The following PRKCH variants were observed in gnomAD, a reference collection of about 807,000 sequenced individuals.
PRKCH encodes protein kinase C eta type.
Under a neutral mutation model 82.5 loss-of-function variants are expected in PRKCH, and 28 were observed. The ratio of observed to expected loss-of-function variants is 0.34; its 90% CI spans 0.25 to 0.47. The LOEUF is 0.47. PRKCH is among the 20% of genes least tolerant of loss of function. The probability of loss-of-function intolerance (pLI) is 1.00; values close to 1 mark genes in which losing one functional copy is unlikely to be tolerated. For synonymous variants in PRKCH, 322 were observed against 327.4 expected (o/e 0.98, Z 0.18); for missense variants, 705 against 881.8 (o/e 0.80, Z 2.54).
intron 1 of PRKCH, among the ~76,000 whole-genome samples, chr14:61,238,194 A>G (rs955409501): frequency 2.6e-5 from 4 of 152,236 alleles, no homozygotes; most frequent in African/African-American, 9.6e-5. Context: ...TATAGCCTCC[A>G]TTAGGACTTT....
At chr14:61,467,477 C>T (rs1286900743) in intron 9 of PRKCH, among the ~76,000 whole-genome samples, 2 of 152,194 alleles carry the variant, frequency 1.3e-5, no homozygotes, top group African/African-American at 4.8e-5. Flanking sequence ...CTGCCAGCCG[C>T]TGGATGTGGG....
intron 1 of PRKCH, among the ~76,000 whole-genome samples, chr14:61,195,593 G>GTTCCTAA (rs2044435033): frequency 6.6e-6 from 1 of 152,178 alleles, no homozygotes; most frequent in African/African-American, 2.4e-5. Flanking sequence ...GATATTTTAG[G>GTTCCTAA]AACCAAAGGA....
chr14:61,307,747 G>T (rs1284781301), intron 1 of PRKCH, among the ~76,000 whole-genome samples: 1 of 152,134 alleles, frequency 6.6e-6, no homozygotes, highest in Non-Finnish European at 1.5e-5. Context: ...TCAAAGTAAT[G>T]ATGGCCATAT....
At chr14:61,207,106 C>CAAAAAAAAAAA (rs71114196) in intron 1 of PRKCH, among the ~76,000 whole-genome samples, 26 of 49,160 alleles carry the variant, frequency 5.3e-4, no homozygotes, top group East Asian at 5.2e-3. Flanking sequence ...AACTCCATCT[C>CAAAAAAAAAAA]AAAAAAAAAA....
intron 2 of PRKCH, 27 bp from the exon 3 acceptor site, chr14:61,443,084 C>T: frequency 6.2e-7 from 1 of 1,603,228 alleles, no homozygotes; most frequent in Non-Finnish European, 8.5e-7. Flanking sequence ...ACATCTTATT[C>T]TTTTTTTCCT....
chr14:61,383,036 A>G (rs1057213422), intron 1 of PRKCH, among the ~76,000 whole-genome samples: 7 of 152,138 alleles, frequency 4.6e-5, no homozygotes, highest in Non-Finnish European at 1.0e-4. Context: ...TACTTGCCTA[A>G]CTCCTGCAAA....
intron 1 of PRKCH, among the ~76,000 whole-genome samples, chr14:61,199,941 C>T (rs1594848530): frequency 6.6e-6 from 1 of 152,212 alleles, no homozygotes; most frequent in East Asian, 1.9e-4. Flanking sequence ...AGTTATGATA[C>T]ACAAGCTAGC....
intron 1 of PRKCH, among the ~76,000 whole-genome samples, chr14:61,369,922 A>G (rs1402226871): frequency 6.6e-6 from 1 of 152,054 alleles, no homozygotes; most frequent in Non-Finnish European, 1.5e-5. Flanking sequence ...GTATGTTTAT[A>G]TGTGTATATA....
chr14:61,305,925 A>G (rs2045482436), intron 1 of PRKCH: 1 of 152,238 alleles, frequency 6.6e-6, no homozygotes, highest in Non-Finnish European at 1.5e-5. Flanking sequence ...ATTGTTATAA[A>G]GGAGTTACAG....
At chr14:61,226,776 G>C (rs1314055120) in intron 1 of PRKCH, among the ~76,000 whole-genome samples, 1 of 152,118 alleles carries the variant, frequency 6.6e-6, no homozygotes, top group Non-Finnish European at 1.5e-5. Flanking sequence ...TTATATCCAG[G>C]GCTTGTCTTG....
In PRKCH at chr14:61,500,084, G is replaced by T. The variant is rs183447153; in HGVS notation, c.1433+14428G>T. Among the ~76,000 whole-genome samples, 84 of 150,254 alleles carry T rather than the reference G, an allele frequency of 5.6e-4. 1 individual carries two copies. Among genetic ancestry groups the T allele is most frequent in the African/African-American group, 2.0e-3 (82 of 40,646 alleles). On this transcript the variant is annotated intron_variant, in intron 10 of 13. Coordinates refer to ENST00000332981, the MANE Select transcript of PRKCH (RefSeq NM_006255.5). Reference sequence around the variant, plus strand: ...ATGTTATTAGGCATTCTAGATACTTGGATCAATATCCGGTTGACTTGTCAC... The same window carrying T: ...ATGTTATTAGGCATTCTAGATACTTTGATCAATATCCGGTTGACTTGTCAC...
intron 2 of PRKCH, among the ~76,000 whole-genome samples, chr14:61,415,961 T>C (rs1882524775): frequency 6.6e-6 from 1 of 152,196 alleles, no homozygotes; most frequent in African/African-American, 2.4e-5. Flanking sequence ...GATTGGCTTG[T>C]TTTGCTTTGC....
At chr14:61,480,333 C>T (rs1328887775) in intron 9 of PRKCH, among the ~76,000 whole-genome samples, 2 of 152,176 alleles carry the variant, frequency 1.3e-5, no homozygotes, top group African/African-American at 4.8e-5. Flanking sequence ...CACCTAGTTG[C>T]TTCACAATTG....
intron 1 of PRKCH, among the ~76,000 whole-genome samples, chr14:61,231,310 G>C (rs1267989611): frequency 6.6e-6 from 1 of 151,258 alleles, no homozygotes; most frequent in Non-Finnish European, 1.5e-5. Flanking sequence ...AAAGTGCTTA[G>C]AACAGTGCTT....
upstream of PRKCH, among the ~76,000 whole-genome samples, chr14:61,320,390 G>A (rs544106553): frequency 9.2e-5 from 14 of 152,094 alleles, no homozygotes; most frequent in Admixed American, 7.9e-4. Context: ...ACTTGAGGTC[G>A]GGAGTTTGAG....
rs115804417 is a variant in PRKCH, at chr14:61,496,976, A to G, written c.1433+11320A>G. ...TGGCCCAAACCCATGATTTTCTCAT[A>G]ACTCAAAGCAGTCTTTTTTAAATAA... On this transcript the variant is annotated intron_variant, in intron 10 of 13. Transcript: ENST00000332981. Among the ~76,000 whole-genome samples the G allele has an allele frequency of 6.1e-3, 930 of 152,290 alleles. 20 individuals are homozygous for G. Among genetic ancestry groups the G allele is most frequent in the African/African-American group, 0.021 (883 of 41,514 alleles).
At chr14:61,226,675 C>A (rs1448121587) in intron 1 of PRKCH, among the ~76,000 whole-genome samples, 1 of 152,166 alleles carries the variant, frequency 6.6e-6, no homozygotes, top group Non-Finnish European at 1.5e-5. Context: ...GGTTGGGAGA[C>A]AATGGTCGTT....
At chr14:61,520,891 AT>A (rs1241028576) in intron 10 of PRKCH, among the ~76,000 whole-genome samples, 1 of 152,244 alleles carries the variant, frequency 6.6e-6, no homozygotes. Flanking sequence ...TTCTAAAAAA[AT>A]GTATCCTAAA....
intron 1 of PRKCH, among the ~76,000 whole-genome samples, chr14:61,275,618 C>T (rs952461962): frequency 6.6e-5 from 10 of 152,240 alleles, no homozygotes; most frequent in South Asian, 2.1e-4. Flanking sequence ...AGCCACCATT[C>T]GCTTACTAAA....
Sources: gnomAD v4.1 joint callset for allele counts (sites outside exome capture counted in the v4.1 genomes callset) on GRCh38, gnomAD v4.1.1 for gene constraint, MANE v1.5 for transcripts, NCBI Gene and HGNC (gene_info 2026-07-23, HGNC 2026-07-21) for gene names.